The following TAFA2 variants were observed in gnomAD, a reference collection of about 807,000 sequenced individuals.
TAFA2 encodes the protein chemokine-like protein TAFA-2.
A neutral mutation model predicts 18.8 loss-of-function variants in TAFA2; 7 were observed. The observed-to-expected ratio is 0.37, with a 90% CI of 0.21 to 0.70. The LOEUF (loss-of-function observed/expected upper bound fraction) is 0.70. Among genes scored for constraint, TAFA2 ranks in the 30% least tolerant of loss-of-function variants. The pLI, the probability that TAFA2 is intolerant of heterozygous loss-of-function variation, is 0.53. For synonymous variants in TAFA2, 60 were observed against 54.2 expected, an observed-to-expected ratio of 1.11 and a Z score of -0.47; for missense variants, 122 against 158.1, an observed-to-expected ratio of 0.77 and a Z score of 1.23.
At chr12:61,924,018 A>T (rs1364805432) in intron 1 of TAFA2, among the ~76,000 whole-genome samples, 2 of 151,480 alleles carry the variant, frequency 1.3e-5, no homozygotes. Context: ...GAAATAAAAC[A>T]TGAAGACAAG....
intron 1 of TAFA2, among the ~76,000 whole-genome samples, chr12:61,922,831 A>T (rs1440468833): frequency 6.6e-6 from 1 of 152,178 alleles, no homozygotes; most frequent in Non-Finnish European, 1.5e-5. Flanking sequence ...GAGCCCAGCA[A>T]GCTAAGATCC....
chr12:61,943,868 C>T (rs1177621926), intron 1 of TAFA2, among the ~76,000 whole-genome samples: 1 of 134,710 alleles, frequency 7.4e-6, no homozygotes, highest in Non-Finnish European at 1.6e-5. Flanking sequence ...GACTTTAACA[C>T]CCCACTGTCA....
chr12:62,010,152 T>G (rs1250290914), intron 1 of TAFA2, among the ~76,000 whole-genome samples: 1 of 132,018 alleles, frequency 7.6e-6, no homozygotes, highest in Non-Finnish European at 1.6e-5. Flanking sequence ...TCCCTCTCCC[T>G]CTCCCCCTCC....
chr12:62,037,664 GA>G (rs1317731600), intron 1 of TAFA2, among the ~76,000 whole-genome samples: 1 of 152,158 alleles, frequency 6.6e-6, no homozygotes, highest in East Asian at 1.9e-4. Context: ...TACTTTTAAT[GA>G]AATCTCCAAG....
chr12:62,244,761 T>C lies in TAFA2; in HGVS notation c.-130+14002A>G, dbSNP rs188693851. Among the ~76,000 whole-genome samples the C allele has an allele frequency of 9.2e-5, 14 of 152,298 alleles. No homozygotes were observed. In the East Asian group the frequency reaches 2.1e-3, roughly 23 times the overall value. On this transcript the variant is annotated intron_variant, in intron 1 of 5. Transcript: ENST00000551619. ...GATAATGTCAAACTTTTAAAAAATT[T>C]GCCAAACTGATGGATGTGAAATGGT...
chr12:61,710,237 T>C lies in TAFA2; in HGVS notation c.*169A>G. The C allele has an allele frequency of 1.6e-6, 1 of 610,472 alleles. No homozygotes were observed. Among genetic ancestry groups the C allele is most frequent in the South Asian group, 2.3e-5 (1 of 44,014 alleles). 37.8% of individuals were successfully genotyped at this position (610,472 alleles called of 1,614,324 possible). A position where few individuals can be genotyped will look rare whatever the true frequency, so the allele number is the denominator to read the frequency against. ...TGACATGCAAGTTCATGTCTGACTTTTAAAAAGTCTTGATTTCAAGAAGAG... is the reference window on the plus strand; with the variant it reads ...TGACATGCAAGTTCATGTCTGACTTCTAAAAAGTCTTGATTTCAAGAAGAG... On this transcript the variant is annotated 3_prime_UTR_variant, in exon 5 of 5. Coordinates refer to ENST00000416284, the MANE Select transcript of TAFA2 (RefSeq NM_178539.5).
chr12:62,115,679 T>C (rs1869931806), intron 1 of TAFA2, among the ~76,000 whole-genome samples: 1 of 152,180 alleles, frequency 6.6e-6, no homozygotes, highest in Non-Finnish European at 1.5e-5. Flanking sequence ...CACGGTTGTG[T>C]CTGGTTTGTA....
intron 2 of TAFA2, among the ~76,000 whole-genome samples, chr12:61,788,053 T>C (rs191453009): frequency 3.7e-4 from 56 of 151,746 alleles, no homozygotes; most frequent in African/African-American, 1.3e-3. Flanking sequence ...GGAGTAACTA[T>C]AGTTGCAGCA....
intron 2 of TAFA2, among the ~76,000 whole-genome samples, chr12:61,861,257 T>A (rs77209517): frequency 1.1e-5 from 1 of 89,800 alleles, no homozygotes; most frequent in Non-Finnish European, 2.1e-5. Context: ...TGGCCTCGCC[T>A]TTTTTTTTTT....
intron 2 of TAFA2, among the ~76,000 whole-genome samples, chr12:61,827,831 G>A (rs1462892394): frequency 6.6e-6 from 1 of 151,802 alleles, no homozygotes; most frequent in East Asian, 1.9e-4. Context: ...CATTCTTTGG[G>A]GAAGTTTGAA....
intron 1 of TAFA2, among the ~76,000 whole-genome samples, chr12:62,146,472 C>T (rs1483069185): frequency 1.3e-5 from 2 of 151,874 alleles, no homozygotes; most frequent in African/African-American, 4.8e-5. Context: ...TTTGTAGAGA[C>T]TGTTTCATCA....
In TAFA2 at chr12:61,708,993, C is replaced by A. The variant is rs1466426182; in HGVS notation, c.*1413G>T. ...TCTAACAGGACAATTTTTGAAGCAT[C>A]TTCTGAACAGCCTAAAATGAGTAAA... On this transcript the variant is annotated 3_prime_UTR_variant, in exon 5 of 5. Transcript: ENST00000416284. 1 of 152,522 alleles carries A rather than the reference C, an allele frequency of 6.6e-6. No homozygotes were observed. Among genetic ancestry groups the A allele is most frequent in the Non-Finnish European group, 1.5e-5 (1 of 68,014 alleles). 9.4% of individuals were successfully genotyped at this position (152,522 alleles called of 1,614,324 possible). A position where few individuals can be genotyped will look rare whatever the true frequency, so the allele number is the denominator to read the frequency against.
chr12:61,949,913 C>T (rs1390986270), intron 1 of TAFA2, among the ~76,000 whole-genome samples: 3 of 152,092 alleles, frequency 2.0e-5, no homozygotes, highest in Non-Finnish European at 4.4e-5. Flanking sequence ...TAGTAATCAA[C>T]AACACCATTT....
Position 61,709,041 on chromosome 12 carries a change from A to T in TAFA2, c.*1365T>A, listed in dbSNP as rs1199539032. ...AAAACACAGAAATCCTTCTCCTTGC[A>T]TTCCTTCAAACTATAGGTTTACACA... On this transcript the variant is annotated 3_prime_UTR_variant, in exon 5 of 5. Coordinates refer to ENST00000416284, the MANE Select transcript of TAFA2 (RefSeq NM_178539.5). 2 of 152,558 alleles carry T rather than the reference A, an allele frequency of 1.3e-5. No individual in the cohort carries two copies. Among genetic ancestry groups the T allele is most frequent in the Non-Finnish European group, 2.9e-5 (2 of 67,994 alleles). 9.5% of individuals were successfully genotyped at this position (152,558 alleles called of 1,614,324 possible).
chr12:61,850,919 T>C (rs1388967160), intron 2 of TAFA2, among the ~76,000 whole-genome samples: 1 of 152,146 alleles, frequency 6.6e-6, no homozygotes, highest in East Asian at 1.9e-4. Context: ...CAACTTAAAA[T>C]AGAAAAAACA....
intron 1 of TAFA2, among the ~76,000 whole-genome samples, chr12:62,148,314 G>T (rs1387200472): frequency 6.6e-6 from 1 of 152,186 alleles, no homozygotes; most frequent in Non-Finnish European, 1.5e-5. Context: ...TCAATGGTGG[G>T]TTGGATAAAG....
chr12:61,986,158 CTTT>C (rs551223452), intron 1 of TAFA2, among the ~76,000 whole-genome samples: 3 of 65,862 alleles, frequency 4.6e-5, no homozygotes, highest in Non-Finnish European at 5.8e-5. Context: ...CTAAGCTCTT[CTTT>C]TTTTTTTTTT....
chr12:61,725,928 G>A (rs1870142754), intron 4 of TAFA2, among the ~76,000 whole-genome samples: 2 of 151,960 alleles, frequency 1.3e-5, no homozygotes, highest in African/African-American at 4.8e-5. Context: ...AGAAGGGTTG[G>A]TGAGGGGTGA....
chr12:61,920,874 AG>A (rs779424151), intron 1 of TAFA2, among the ~76,000 whole-genome samples: 1 of 152,028 alleles, frequency 6.6e-6, no homozygotes, highest in Non-Finnish European at 1.5e-5. Context: ...AGGAACAAGT[AG>A]GGAGTTGTCA....
Sources: allele counts gnomAD v4.1 joint callset (sites outside exome capture counted in the v4.1 genomes callset), GRCh38; gene constraint gnomAD v4.1.1; transcripts MANE v1.5; gene names NCBI Gene and HGNC (gene_info 2026-07-23, HGNC 2026-07-21).